The following SSR4 variants were observed in gnomAD, a reference collection of about 807,000 sequenced individuals.
The protein encoded by SSR4 is translocon-associated protein subunit delta.
For missense variants in SSR4, 125 were observed against 148.8 expected, an observed-to-expected ratio of 0.84 and a Z score of 0.83; for synonymous variants, 84 against 65.6, an observed-to-expected ratio of 1.28 and a Z score of -1.35.
chrX:153,797,239 C>G, intron 2 of SSR4: 1 of 430,371 alleles, frequency 2.3e-6, no homozygotes, highest in Non-Finnish European at 4.1e-6. Flanking sequence ...CAGTTAGGCC[C>G]GGCCATGGGG....
intron 2 of SSR4, 78 bp from the exon 3 acceptor site, chrX:153,797,380 G>A (rs987308113): frequency 8.6e-6 from 8 of 935,132 alleles, no homozygotes; most frequent in East Asian, 3.1e-5. Context: ...CCTGCAGGCC[G>A]TGTGAGCAGC....
At chrX:153,797,262 G>T in intron 2 of SSR4, 196 bp from the exon 3 acceptor site, 1 of 442,929 alleles carries the variant, frequency 2.3e-6, no homozygotes, top group East Asian at 3.8e-5. Flanking sequence ...CTGGCCTTGT[G>T]CCCCCGTAGG....
intron 3 of SSR4, 89 bp downstream of exon 3, chrX:153,797,621 G>A: frequency 9.0e-7 from 1 of 1,107,307 alleles, no homozygotes; most frequent in Non-Finnish European, 1.2e-6. Context: ...CCAGGGCCAG[G>A]GGCCGTGGGC....
chrX:153,794,233 T>A (rs782586348), upstream of SSR4: 13 of 1,180,616 alleles, frequency 1.1e-5, no homozygotes, highest in Admixed American at 1.6e-4. Context: ...CCCGTGGCTC[T>A]TTCCCTGCTC....
intron 5 of SSR4, 31 bp from the exon 6 acceptor site, chrX:153,798,298 C>G (rs782600584): frequency 8.3e-7 from 1 of 1,202,592 alleles, no homozygotes; most frequent in African/African-American, 1.7e-5. Flanking sequence ...CTGTACTCCC[C>G]TGAGCTGGCT....
At chrX:153,794,660 T>G, upstream of SSR4, 1 of 1,212,015 alleles carries the variant, frequency 8.3e-7, no homozygotes, top group Non-Finnish European at 1.1e-6. Flanking sequence ...GGAGCTCGTT[T>G]TCTTTTCCTC....
chrX:153,794,998 C>T (rs2092130777), intron 1 of SSR4: 6 of 417,179 alleles, frequency 1.4e-5, no homozygotes, highest in Non-Finnish European at 2.5e-5. Flanking sequence ...GTGCGCCCGG[C>T]CCCCAAGCTG....
chrX:153,795,703 C>A, intron 1 of SSR4: 2 of 754,984 alleles, frequency 2.6e-6, no homozygotes, highest in Non-Finnish European at 3.1e-6. Context: ...CCTTCTCTGA[C>A]GTCCTCTGCT....
At chrX:153,794,899 C>T (rs915709748) in intron 1 of SSR4, 145 bp downstream of exon 1, 1 of 690,940 alleles carries the variant, frequency 1.4e-6, no homozygotes, top group Non-Finnish European at 2.1e-6. Context: ...GGCCTTGGGA[C>T]GGGGGGACCA....
chrX:153,797,877 G>A, intron 4 of SSR4, 63 bp downstream of exon 4: 3 of 1,011,562 alleles, frequency 3.0e-6, no homozygotes, highest in Non-Finnish European at 4.1e-6. Context: ...GCTGGGTTGG[G>A]AGGTGCTGGC....
intron 2 of SSR4, chrX:153,797,195 C>G: frequency 2.5e-6 from 1 of 394,464 alleles, no homozygotes. Flanking sequence ...GATCATCCCG[C>G]CCCTGCTCAC....
At chrX:153,796,708 G>T in intron 2 of SSR4, 156 bp downstream of exon 2, 1 of 480,567 alleles carries the variant, frequency 2.1e-6, no homozygotes, top group Non-Finnish European at 3.7e-6. Context: ...AGCCAGTGTT[G>T]ACAGGTCACC....
At chrX:153,797,592 C>T (rs782127991) in intron 3 of SSR4, 60 bp downstream of exon 3, 2 of 1,153,285 alleles carry the variant, frequency 1.7e-6, no homozygotes, top group Non-Finnish European at 2.4e-6. Flanking sequence ...GACCTGAAGC[C>T]CCAGGGGTGG....
chrX:153,797,399 C>T, intron 2 of SSR4, 59 bp from the exon 3 acceptor site: 3 of 1,054,743 alleles, frequency 2.8e-6, no homozygotes, highest in Non-Finnish European at 2.7e-6. Context: ...GCGCACAGGG[C>T]TCCTCTGCCC....
upstream of SSR4, chrX:153,794,440 G>C: frequency 1.8e-6 from 2 of 1,137,701 alleles, no homozygotes; most frequent in East Asian, 6.6e-5. Flanking sequence ...GCACGCGCGC[G>C]GTCGCACCGA....
chrX:153,797,675 T>C (rs1557072948), intron 3 of SSR4, 50 bp from the exon 4 acceptor site: 1 of 1,147,319 alleles, frequency 8.7e-7, no homozygotes, highest in Non-Finnish European at 1.2e-6. Context: ...GTGGTCAGGG[T>C]GGCCCCTCCG....
At chrX:153,794,549 G>T (rs2092126811), upstream of SSR4, 1 of 1,171,348 alleles carries the variant, frequency 8.5e-7, no homozygotes, top group African/African-American at 1.8e-5. Flanking sequence ...CCACGTCAGT[G>T]CTGCCAGAGA....
At chrX:153,794,342 C>T (rs782753578), upstream of SSR4, 52 of 1,186,667 alleles carry the variant, frequency 4.4e-5, no homozygotes, top group Non-Finnish European at 5.8e-5. Context: ...AAAGTGAGAG[C>T]CTCCGCACGT....
At chrX:153,795,159 G>A (rs1192974076) in intron 1 of SSR4, 4 of 164,091 alleles carry the variant, frequency 2.4e-5, no homozygotes, top group Non-Finnish European at 4.7e-5. Flanking sequence ...GGGAGCAAGA[G>A]CGGGGCGAGT....
Sources: allele counts gnomAD v4.1 joint callset, GRCh38; gene constraint gnomAD v4.1.1; transcripts MANE v1.5; gene names NCBI Gene and HGNC (gene_info 2026-07-23, HGNC 2026-07-21).